AQP6: variants seen among roughly 807,000 people sequenced by gnomAD.
The protein encoded by AQP6 is aquaporin-6.
A neutral mutation model predicts 16.3 loss-of-function variants in AQP6; 14 were observed. The observed-to-expected ratio is 0.86, with a 90% CI of 0.57 to 1.34. The LOEUF (loss-of-function observed/expected upper bound fraction) is 1.34, where lower values mean the gene tolerates loss of function less well. Ranked by LOEUF, AQP6 falls within the 40% of genes most tolerant of loss-of-function variation. The pLI is 0.00. For missense variants in AQP6, 331 were observed against 379.7 expected, an observed-to-expected ratio of 0.87 and a Z score of 1.07; for synonymous variants, 178 against 166.8, an observed-to-expected ratio of 1.07 and a Z score of -0.52.
intron 3 of AQP6, 55 bp downstream of exon 3, chr12:49,974,881 G>C (rs1947560260): frequency 6.2e-7 from 1 of 1,601,468 alleles, no homozygotes; most frequent in Non-Finnish European, 8.5e-7. Context: ...GTTGCCTGTA[G>C]ACGGTGGGTT....
rs1947576875 is a variant in AQP6 at position 49,976,706 on chromosome 12, C to T, written c.*1035C>T. 6.9e-6 allele frequency: 3 copies of T among 436,004 alleles called. No individual in the cohort carries two copies. The South Asian group carries it at 1.3e-4, about 19-fold the overall frequency. 27.0% of individuals were successfully genotyped at this position (436,004 alleles called of 1,614,324 possible). On this transcript the variant is annotated 3_prime_UTR_variant, in exon 4 of 4. Transcript: ENST00000315520. ...TCCCAGGGAAGCCTCCTCCCAGGTG[C>T]TTGCCCCAGCTCCCACCCCACAGCC...
Position 49,973,170 on chromosome 12 carries a change from G to A in AQP6, c.-4G>A. 1 of 1,598,880 alleles carries A rather than the reference G, an allele frequency of 6.3e-7. No individual in the cohort carries two copies. The highest frequency in any genetic ancestry group is 1.3e-5 in the African/African-American group (1 of 74,900). On this transcript the variant is annotated 5_prime_UTR_variant, in exon 1 of 4. Coordinates refer to ENST00000315520, the MANE Select transcript of AQP6 (RefSeq NM_001652.4). ...AAGGCAAGGAACGGCCAAGGCACCAGGACATGGATGCAGTGGAGCCAGGGG... is the reference window on the plus strand; with the variant it reads ...AAGGCAAGGAACGGCCAAGGCACCAAGACATGGATGCAGTGGAGCCAGGGG...
Position 49,975,012 on chromosome 12 carries a change from G to A in AQP6, c.642+186G>A. 1 of 1,412,484 alleles carries A rather than the reference G, an allele frequency of 7.1e-7. No individual in the cohort carries two copies. The highest frequency in any genetic ancestry group is 1.4e-5 in the African/African-American group (1 of 69,260). 87.5% of individuals were successfully genotyped at this position (1,412,484 alleles called of 1,614,324 possible). A position where few individuals can be genotyped will look rare whatever the true frequency, so the allele number is the denominator to read the frequency against. ...ACTGGCAAGAAATGGGCCAGGGCAG[G>A]AGCTGCAGCCTTGGCCCAGACTTTT... On this transcript the variant is annotated intron_variant, in intron 3 of 3. Transcript: ENST00000315520. This position sits in a 1 kb window ranked among gnomAD's most constrained non-coding sequence, Gnocchi z 4.4.
In AQP6 at chr12:49,973,787, G is replaced by A. The variant is rs1210794483; in HGVS notation, c.402+212G>A. ...AATGGGATAGTGGCGCGAAGAACAG[G>A]TGGAGAAGGAAGAGGCCACATAAAG... On this transcript the variant is annotated intron_variant, in intron 1 of 3. Coordinates refer to ENST00000315520, the MANE Select transcript of AQP6 (RefSeq NM_001652.4). 8.2e-6 allele frequency: 9 copies of A among 1,097,506 alleles called. No homozygotes were observed. In the East Asian group the frequency reaches 1.6e-4, roughly 19 times the overall value. 68.0% of individuals were successfully genotyped at this position (1,097,506 alleles called of 1,614,324 possible). A position where few individuals can be genotyped will look rare whatever the true frequency, so the allele number is the denominator to read the frequency against.
intron 1 of AQP6, 39 bp from the exon 2 acceptor site, chr12:49,974,285 A>G: frequency 6.7e-7 from 1 of 1,487,392 alleles, no homozygotes; most frequent in Non-Finnish European, 9.0e-7. Flanking sequence ...GTCCGTGGGC[A>G]GAGCCCGCGT....
intron 1 of AQP6, 188 bp from the exon 2 acceptor site, chr12:49,974,136 C>G: frequency 7.8e-7 from 1 of 1,284,138 alleles, no homozygotes; most frequent in Non-Finnish European, 9.8e-7. Context: ...GCACCACTCA[C>G]TTCTGCAGGG....
chr12:49,975,750 A>G lies in AQP6; in HGVS notation c.*79A>G. On this transcript the variant is annotated 3_prime_UTR_variant, in exon 4 of 4. Coordinates refer to ENST00000315520, the MANE Select transcript of AQP6 (RefSeq NM_001652.4). This position sits in a 1 kb window ranked among gnomAD's most constrained non-coding sequence, Gnocchi z 4.4. ...GGAGGTTCTCCCTGGGGGTGGCGGGAGGGGGAGGCTTGACCTTTTGTCCTG... is the reference window on the plus strand; with the variant it reads ...GGAGGTTCTCCCTGGGGGTGGCGGGGGGGGGAGGCTTGACCTTTTGTCCTG... The G allele has an allele frequency of 1.2e-6, 1 of 862,918 alleles. No individual in the cohort carries two copies. The allele number at this position is 862,918 out of a possible 1,614,324, so 53.5% of individuals were successfully genotyped here. A position where few individuals can be genotyped will look rare whatever the true frequency, so the allele number is the denominator to read the frequency against.
In AQP6 at chr12:49,974,313, CCT is replaced by C. The variant is rs1262133870; in HGVS notation, c.403-8_403-7del. The C allele has an allele frequency of 5.2e-6, 8 of 1,540,122 alleles. No homozygotes were observed. The highest frequency in any genetic ancestry group is 7.0e-6 in the Non-Finnish European group (8 of 1,137,274). On this transcript the variant is annotated splice_polypyrimidine_tract_variant and intron_variant, in intron 1 of 3. Transcript: ENST00000315520. Reference sequence around the variant, plus strand: ...GCCCGCGTCTGGTCCAGAGTAACTCCCTCTGTCCAGGTCCGGAACAGTGTCTC... The same window carrying C: ...GCCCGCGTCTGGTCCAGAGTAACTCCCTGTCCAGGTCCGGAACAGTGTCTC...
rs201943822 is a variant in AQP6, at chr12:49,974,418, G to A, written c.497G>A (p.Arg166His). 1.1e-5 allele frequency: 18 copies of A among 1,613,750 alleles called. No homozygotes were observed. The highest frequency in any genetic ancestry group is 2.2e-5 in the South Asian group (2 of 91,064). The change falls in exon 2 of 4, where the codon CGT becomes CAT. Residue 166 changes from arginine (R) to histidine (H), a missense_variant. Transcript: ENST00000315520. ...TGTGTCTTCGCTTCCACCGACAGCCGTCAGACATCAGGCTCCCCGGCCACC... is the reference window on the plus strand; with the variant it reads ...TGTGTCTTCGCTTCCACCGACAGCCATCAGACATCAGGCTCCCCGGCCACC... ...VLCVFASTDS[R>H]QTSGSPATMI... is the part of the protein sequence containing the mutation.
rs140526654 is a variant in AQP6 at position 49,976,945 on chromosome 12, T to C, written c.*1274T>C. On this transcript the variant is annotated 3_prime_UTR_variant, in exon 4 of 4. Coordinates refer to ENST00000315520, the MANE Select transcript of AQP6 (RefSeq NM_001652.4). ...CTCTGAAAGACTACCAAAATCTAAG[T>C]TGGTTTAATAGTTAAAAGCTGCTGT... The C allele has an allele frequency of 1.1e-5, 8 of 699,078 alleles. No homozygotes were observed. Among genetic ancestry groups the C allele is most frequent in the Non-Finnish European group, 1.8e-5 (7 of 383,972 alleles). The allele number at this position is 699,078 out of a possible 1,614,324, so 43.3% of individuals were successfully genotyped here. A position where few individuals can be genotyped will look rare whatever the true frequency, so the allele number is the denominator to read the frequency against.
chr12:49,976,659 A>T lies in AQP6; in HGVS notation c.*988A>T, dbSNP rs1375991345. The T allele has an allele frequency of 2.8e-6, 1 of 351,182 alleles. No homozygotes were observed. The highest frequency in any genetic ancestry group is 5.1e-6 in the Non-Finnish European group (1 of 194,362). 21.8% of individuals were successfully genotyped at this position (351,182 alleles called of 1,614,324 possible). ...GTAGAGAGGTGGGATAGAGGAAGGG[A>T]GGTTTGAGCCAGACAGGCCTTTCCC... On this transcript the variant is annotated 3_prime_UTR_variant, in exon 4 of 4. Transcript: ENST00000315520.
Position 49,975,002 on chromosome 12 carries a change from G to A in AQP6, c.642+176G>A, listed in dbSNP as rs910609899. 7.8e-6 allele frequency: 11 copies of A among 1,418,404 alleles called. No homozygotes were observed. The African/African-American group carries it at 1.4e-4, about 19-fold the overall frequency. The allele number at this position is 1,418,404 out of a possible 1,614,324, so 87.9% of individuals were successfully genotyped here. ...TACCCAGTGGACTGGCAAGAAATGG[G>A]CCAGGGCAGGAGCTGCAGCCTTGGC... On this transcript the variant is annotated intron_variant, in intron 3 of 3. Transcript: ENST00000315520. This position sits in a 1 kb window ranked among gnomAD's most constrained non-coding sequence, Gnocchi z 4.4.
At position 49,976,979 on chromosome 12, in the gene AQP6, T is replaced by C. The variant is rs1240025238; in HGVS notation, c.*1308T>C. The C allele has an allele frequency of 1.4e-6, 1 of 702,380 alleles. No individual in the cohort carries two copies. Among genetic ancestry groups the C allele is most frequent in the South Asian group, 1.5e-5 (1 of 67,574 alleles). 43.5% of individuals were successfully genotyped at this position (702,380 alleles called of 1,614,324 possible). ...TAGTTAAAAGCTGCTGTAGATTTAT[T>C]CTGCCCACAACTTGGGGGTCCTTTC... On this transcript the variant is annotated 3_prime_UTR_variant, in exon 4 of 4. Coordinates refer to ENST00000315520, the MANE Select transcript of AQP6 (RefSeq NM_001652.4).
rs974852984 is a variant in AQP6, at chr12:49,973,942, C to T, written c.402+367C>T. 33 of 1,169,764 alleles carry T rather than the reference C, an allele frequency of 2.8e-5. No individual in the cohort carries two copies. The Admixed American group carries it at 3.7e-4, about 13-fold the overall frequency. 72.5% of individuals were successfully genotyped at this position (1,169,764 alleles called of 1,614,324 possible). A position where few individuals can be genotyped will look rare whatever the true frequency, so the allele number is the denominator to read the frequency against. ...GGCTCCACCCACGTCCTCTGCTCTC[C>T]GACTGTTCCCAAGTTCTTCCCTCCA... On this transcript the variant is annotated intron_variant, in intron 1 of 3. Transcript: ENST00000315520.
At position 49,975,103 on chromosome 12, in the gene AQP6, A is replaced by G; in HGVS notation, c.642+277A>G. The G allele has an allele frequency of 7.5e-7, 1 of 1,333,306 alleles. No homozygotes were observed. Among genetic ancestry groups the G allele is most frequent in the Non-Finnish European group, 9.6e-7 (1 of 1,043,736 alleles). The allele number at this position is 1,333,306 out of a possible 1,614,324, so 82.6% of individuals were successfully genotyped here. On this transcript the variant is annotated intron_variant, in intron 3 of 3. Coordinates refer to ENST00000315520, the MANE Select transcript of AQP6 (RefSeq NM_001652.4). This position sits in a 1 kb window ranked among gnomAD's most constrained non-coding sequence, Gnocchi z 4.4. The stretch of plus-strand genomic sequence containing the variant: ...CAATTTTCAAACTTGGATAAAGAAA[A>G]AGACAAACAGAAATAGACACACACA...
Position 49,973,207 on chromosome 12 carries a change from G to A in AQP6, c.34G>A (p.Ala12Thr), listed in dbSNP as rs149806227. ...DAVEPGGRGW[A>T]SMLACRLWKA... Reference sequence around the variant, plus strand: ...AGTGGAGCCAGGGGGACGTGGCTGGGCCAGCATGTTGGCGTGCAGGCTTTG... The same window carrying A: ...AGTGGAGCCAGGGGGACGTGGCTGGACCAGCATGTTGGCGTGCAGGCTTTG... Residue 12 changes from alanine to threonine, a missense_variant, in exon 1 of 4, where the codon GCC becomes ACC. Ala to Thr is a moderately conservative substitution (Grantham distance 58). Coordinates refer to ENST00000315520, the MANE Select transcript of AQP6 (RefSeq NM_001652.4). The A allele has an allele frequency of 6.2e-7, 1 of 1,612,490 alleles. No individual in the cohort carries two copies. The highest frequency in any genetic ancestry group is 8.5e-7 in the Non-Finnish European group (1 of 1,179,044).
Position 49,974,839 on chromosome 12 carries a change from G to C in AQP6, c.642+13G>C, listed in dbSNP as rs151323074. 3.1e-6 allele frequency: 5 copies of C among 1,613,896 alleles called. No homozygotes were observed. Among genetic ancestry groups the C allele is most frequent in the Non-Finnish European group, 4.2e-6 (5 of 1,179,864 alleles). On this transcript the variant is annotated intron_variant, in intron 3 of 3. Transcript: ENST00000315520. ...CACAGTCCACTGGGTGAGCCCCTCT[G>C]CTGGCAGCCCTGGGGAGGGAAGGGA... is the stretch of plus-strand genomic sequence containing the variant.
intron 1 of AQP6, chr12:49,973,875 G>C (rs1244288103): frequency 1.9e-5 from 23 of 1,231,506 alleles, no homozygotes; most frequent in Non-Finnish European, 2.4e-5. Context: ...CGGGGCCTGT[G>C]GGTAGAGAAG....
Position 49,973,015 on chromosome 12 carries a change from G to C in AQP6, c.-159G>C, listed in dbSNP as rs993145355. The C allele has an allele frequency of 1.0e-6, 1 of 1,000,938 alleles. No homozygotes were observed. The highest frequency in any genetic ancestry group is 1.4e-6 in the Non-Finnish European group (1 of 702,656). 62.0% of individuals were successfully genotyped at this position (1,000,938 alleles called of 1,614,324 possible). The stretch of plus-strand genomic sequence containing the variant: ...CCAGCACAGTCCTGGGGACAGGAGC[G>C]TGGTGGAGGAGCTGCAGGTGGGGGC... On this transcript the variant is annotated 5_prime_UTR_variant, in exon 1 of 4. Transcript: ENST00000315520.
Sources: gnomAD v4.1 joint callset for allele counts on GRCh38, gnomAD v4.1.1 for gene constraint, Gnocchi (gnomAD v3.1) non-coding constraint, MANE v1.5 for transcripts, NCBI Gene and HGNC (gene_info 2026-07-23, HGNC 2026-07-21) for gene names.